The following BCL9 variants were observed in gnomAD, a reference collection of about 807,000 sequenced individuals.
The protein encoded by BCL9 is B-cell CLL/lymphoma 9 protein.
BCL9 carries 25 observed loss-of-function variants against 88.5 expected under a neutral mutation model. The ratio of observed to expected loss-of-function variants is 0.28; its 90% confidence interval spans 0.21 to 0.39. BCL9 has a LOEUF of 0.39. Among genes scored for constraint, BCL9 ranks in the 10% least tolerant of loss-of-function variants. The probability of loss-of-function intolerance (pLI) is 1.00; values close to 1 mark genes in which losing one functional copy is unlikely to be tolerated. For missense variants in BCL9, 1,817 were observed against 1,877.8 expected, an observed-to-expected ratio of 0.97 and a Z score of 0.60; for synonymous variants, 711 against 673.3, an observed-to-expected ratio of 1.06 and a Z score of -0.87.
intron 1 of BCL9, among the ~76,000 whole-genome samples, chr1:147,571,759 C>A (rs1197298698): frequency 6.6e-6 from 1 of 152,180 alleles, no homozygotes; most frequent in South Asian, 2.1e-4. Flanking sequence ...GGGTTGCCTC[C>A]TGCAGAGATA....
At chr1:147,595,603 C>T (rs1553200383) in intron 1 of BCL9, among the ~76,000 whole-genome samples, 1 of 152,004 alleles carries the variant, frequency 6.6e-6, no homozygotes, top group Non-Finnish European at 1.5e-5. Context: ...TAATACTAAC[C>T]CTTTGGTAGG....
At chr1:147,600,205 T>TGCCGCCGCC (rs1438222559) in intron 1 of BCL9, 1 of 161,740 alleles carries the variant, frequency 6.2e-6, no homozygotes, top group African/African-American at 2.4e-5. Context: ...CCGCCGCCGC[T>TGCCGCCGCC]GCCGCCGCCG....
chr1:147,565,645 C>T (rs892534861), intron 1 of BCL9, among the ~76,000 whole-genome samples: 5 of 152,176 alleles, frequency 3.3e-5, no homozygotes, highest in African/African-American at 7.2e-5. Context: ...CAGCTAAAAT[C>T]CCCTGGGATA....
intron 1 of BCL9, among the ~76,000 whole-genome samples, chr1:147,554,755 T>A (rs1047203652): frequency 6.6e-6 from 1 of 152,142 alleles, no homozygotes; most frequent in Non-Finnish European, 1.5e-5. Context: ...AGTTTCTACA[T>A]GGGTAAAATG....
intron 8 of BCL9, among the ~76,000 whole-genome samples, chr1:147,621,273 TAAAAG>T (rs1182016741): frequency 0.12 from 18,863 of 152,090 alleles, 1,333 homozygotes; most frequent in East Asian, 0.33. Context: ...GAGAGACTGT[TAAAAG>T]GAAGAGGGGA....
chr1:147,614,844 CTT>C (rs782119688), intron 6 of BCL9, among the ~76,000 whole-genome samples: 2 of 142,258 alleles, frequency 1.4e-5, no homozygotes, highest in Admixed American at 7.0e-5. Flanking sequence ...ATCTCTTTTT[CTT>C]TTTTTTTTTT....
chr1:147,605,272 CT>C (rs1553201838), intron 2 of BCL9, among the ~76,000 whole-genome samples: 2 of 152,222 alleles, frequency 1.3e-5, no homozygotes, highest in Non-Finnish European at 2.9e-5. Flanking sequence ...GATTGAGTTT[CT>C]TCCAGGTATC....
intron 1 of BCL9, among the ~76,000 whole-genome samples, chr1:147,577,543 A>T (rs1656165830): frequency 6.6e-6 from 1 of 152,122 alleles, no homozygotes; most frequent in African/African-American, 2.4e-5. Context: ...AGTAACCTTT[A>T]GTCTCTATTT....
At position 147,619,494 on chromosome 1, in the gene BCL9, C is replaced by T. The variant is rs781991573; in HGVS notation, c.1339C>T (p.Pro447Ser). Residue 447 changes from proline to serine, a missense_variant, in exon 8 of 10, where the codon CCA (proline) becomes TCA (serine). Coordinates refer to ENST00000234739, the MANE Select transcript of BCL9 (RefSeq NM_004326.4). This position sits in a 1 kb window ranked among gnomAD's most constrained non-coding sequence, Gnocchi z 4.1. ...DVPFSPDEMVPPSMNSQSGTI... is the reference protein window; with the variant it reads ...DVPFSPDEMVSPSMNSQSGTI... ...ACCCTTTTCTCCAGATGAAATGGTT[C>T]CACCTTCTATGAACTCCCAGTCTGG... The T allele has an allele frequency of 4.3e-5, 69 of 1,613,972 alleles. No homozygotes were observed. Among genetic ancestry groups the T allele is most frequent in the Non-Finnish European group, 5.8e-5 (68 of 1,180,014 alleles).
intron 3 of BCL9, among the ~76,000 whole-genome samples, 200 bp downstream of exon 3, chr1:147,607,066 G>A (rs782329931): frequency 4.6e-5 from 7 of 152,018 alleles, no homozygotes; most frequent in African/African-American, 9.7e-5. Flanking sequence ...TAGATTCCAC[G>A]TATAAGTGAG....
At chr1:147,618,772 T>G in intron 7 of BCL9, 44 bp from the exon 8 acceptor site, 1 of 1,462,288 alleles carries the variant, frequency 6.8e-7, no homozygotes, top group Non-Finnish European at 9.1e-7. Flanking sequence ...ATTGCCCTTC[T>G]GTTCAGTTTA....
rs1658433052 is a variant in BCL9 at position 147,618,802 on chromosome 1, T to C, written c.661-14T>C. The stretch of plus-strand genomic sequence containing the variant: ...AGTTTACTAATGATTTTTAAACTAT[T>C]TGTTTGTCTTCAGAACACACAGATA... On this transcript the variant is annotated splice_polypyrimidine_tract_variant and intron_variant, in intron 7 of 9. Transcript: ENST00000234739. 6.6e-7 allele frequency: 1 copy of C among 1,513,834 alleles called. No individual in the cohort carries two copies. The highest frequency in any genetic ancestry group is 8.8e-7 in the Non-Finnish European group (1 of 1,131,738). 93.8% of individuals were successfully genotyped at this position (1,513,834 alleles called of 1,614,324 possible). A position where few individuals can be genotyped will look rare whatever the true frequency, so the allele number is the denominator to read the frequency against.
chr1:147,590,458 CT>C (rs1656798583), intron 1 of BCL9, among the ~76,000 whole-genome samples: 1 of 152,140 alleles, frequency 6.6e-6, no homozygotes, highest in Non-Finnish European at 1.5e-5. Flanking sequence ...TCTCTCCTGG[CT>C]TCTTCTCTCT....
intron 1 of BCL9, among the ~76,000 whole-genome samples, chr1:147,551,995 G>A (rs1654925881): frequency 6.6e-6 from 1 of 152,146 alleles, no homozygotes; most frequent in Non-Finnish European, 1.5e-5. Flanking sequence ...GGCATTGTGG[G>A]GTGCAAGATG....
intron 1 of BCL9, among the ~76,000 whole-genome samples, chr1:147,557,367 C>G (rs1344268428): frequency 5.3e-5 from 8 of 152,186 alleles, no homozygotes; most frequent in African/African-American, 1.7e-4. Context: ...AAAAATTTCC[C>G]TTACAGATAT....
At chr1:147,603,514 T>A (rs934572035) in intron 1 of BCL9, among the ~76,000 whole-genome samples, 5 of 152,160 alleles carry the variant, frequency 3.3e-5, no homozygotes, top group Admixed American at 6.5e-5. Context: ...TGTTTTTTTT[T>A]AAATTGAGAC....
chr1:147,582,207 G>C (rs1054244024), intron 1 of BCL9, among the ~76,000 whole-genome samples: 3 of 152,174 alleles, frequency 2.0e-5, no homozygotes, highest in African/African-American at 7.2e-5. Flanking sequence ...GTGATAAAAC[G>C]TTTCTGTGAA....
intron 1 of BCL9, among the ~76,000 whole-genome samples, chr1:147,589,960 A>G (rs1656779560): frequency 6.6e-6 from 1 of 152,226 alleles, no homozygotes; most frequent in South Asian, 2.1e-4. Context: ...CCAGCAATGC[A>G]TGAAAGTGTT....
Position 147,619,025 on chromosome 1 carries a change from A to T in BCL9, c.870A>T (p.Gly290=), listed in dbSNP as rs781792124. Residue 290 remains glycine, a synonymous_variant, in exon 8 of 10, where the codon GGA becomes GGT. Transcript: ENST00000234739. This position sits in a 1 kb window ranked among gnomAD's most constrained non-coding sequence, Gnocchi z 4.1. ...AAAACAAACTGATTCCTTCTGTAGG[A>T]AGTCCTGCCAGCTCCACTCCACTGC... ...GVENKLIPSV[G]SPASSTPLPP... 9 of 1,609,782 alleles carry T rather than the reference A, an allele frequency of 5.6e-6. No individual in the cohort carries two copies. The South Asian group carries it at 9.9e-5, about 18-fold the overall frequency.
Sources: gnomAD v4.1 joint callset for allele counts (sites outside exome capture counted in the v4.1 genomes callset) on GRCh38, gnomAD v4.1.1 for gene constraint, Gnocchi (gnomAD v3.1) non-coding constraint, MANE v1.5 for transcripts, NCBI Gene and HGNC (gene_info 2026-07-23, HGNC 2026-07-21) for gene names.